Variants in HNRNPA1L2 observed in about 807,000 individuals in gnomAD.
HNRNPA1L2 encodes the protein heterogeneous nuclear ribonucleoprotein A1-like 2.
HNRNPA1L2 carries 10 observed loss-of-function variants against 18.2 expected under a neutral mutation model. That is an observed-to-expected ratio of 0.55 (90% CI 0.34 to 0.93). The LOEUF (loss-of-function observed/expected upper bound fraction) is 0.93, where lower values mean the gene tolerates loss of function less well. Ranked by LOEUF, HNRNPA1L2 falls within the 40% of genes least tolerant of loss-of-function variation. The pLI is 0.02. For missense variants in HNRNPA1L2, 308 were observed against 394.4 expected (o/e 0.78, Z 1.85); for synonymous variants, 124 against 138.6 (o/e 0.89, Z 0.74).
chr13:52,642,627 A>T lies in HNRNPA1L2; in HGVS notation c.135A>T (p.Val45=). 1 of 1,611,940 alleles carries T rather than the reference A, an allele frequency of 6.2e-7. No homozygotes were observed. The highest frequency in any genetic ancestry group is 8.5e-7 in the Non-Finnish European group (1 of 1,179,850). ...GGGGAACGCTCACAGACTGTGTGGT[A>T]ATGAGAGATCCAAACACCAAGCGCT... ...EQWGTLTDCV[V]MRDPNTKRSR... Residue 45 remains valine (V), a synonymous_variant, in exon 1 of 1, where the codon GTA becomes GTT. Transcript: ENST00000357495.
chr13:52,642,772 G>A lies in HNRNPA1L2; in HGVS notation c.280G>A (p.Asp94Asn), dbSNP rs771734650. Residue 94 changes from aspartate (D) to asparagine (N), a missense_variant, in exon 1 of 1, where the codon GAT (aspartate) becomes AAT (asparagine). Asp to Asn is a conservative substitution (Grantham distance 23). Coordinates refer to ENST00000357495, the MANE Select transcript of HNRNPA1L2 (RefSeq NM_001389320.1). ...VEPKRAVSRE[D>N]SQRPGAHLTV... is the part of the protein sequence containing the mutation. ...ACCAAAGAGAGCTGTCTCCAGAGAA[G>A]ATTCTCAAAGACCAGGTGCCCACTT... The A allele has an allele frequency of 9.4e-6, 15 of 1,597,858 alleles. No homozygotes were observed. The highest frequency in any genetic ancestry group is 1.2e-5 in the Non-Finnish European group (14 of 1,179,738).
the HNRNPA1L2 span, chr13:52,617,536 T>A: frequency 2.4e-6 from 1 of 418,682 alleles, no homozygotes; most frequent in Non-Finnish European, 4.4e-6. Flanking sequence ...GTTGCTCTCC[T>A]GGATGGCTTT....
upstream of HNRNPA1L2, among the ~76,000 whole-genome samples, chr13:52,639,229 T>G (rs536234422): frequency 3.2e-3 from 489 of 152,338 alleles, 5 homozygotes; most frequent in Non-Finnish European, 4.2e-3. Flanking sequence ...CATGAGCTAT[T>G]CAACCCTTTA....
the HNRNPA1L2 span, among the ~76,000 whole-genome samples, chr13:52,630,262 G>C: frequency 6.6e-6 from 1 of 152,172 alleles, no homozygotes; most frequent in East Asian, 1.9e-4. Flanking sequence ...AAAAGTTAAC[G>C]TGTCTTTTAT....
the HNRNPA1L2 span, among the ~76,000 whole-genome samples, chr13:52,619,590 G>T: frequency 1.1e-4 from 16 of 152,110 alleles, no homozygotes; most frequent in Non-Finnish European, 1.3e-4. Context: ...TGGGATTACA[G>T]GCGTGAGCCG....
chr13:52,622,512 T>C, the HNRNPA1L2 span, among the ~76,000 whole-genome samples: 2 of 152,218 alleles, frequency 1.3e-5, no homozygotes, highest in Non-Finnish European at 2.9e-5. Flanking sequence ...AGTGATCTCA[T>C]TGAGAATTCT....
upstream of HNRNPA1L2, among the ~76,000 whole-genome samples, chr13:52,639,362 G>A (rs1961568796): frequency 6.6e-6 from 1 of 152,112 alleles, no homozygotes; most frequent in African/African-American, 2.4e-5. Flanking sequence ...TATTAAAGAC[G>A]TTTTTACTTA....
rs1172895427 is a variant in HNRNPA1L2, at chr13:52,643,161, T to G, written c.669T>G (p.Ser223Arg). Residue 223 changes from serine to arginine, a missense_variant, in exon 1 of 1, where the codon AGT (serine) becomes AGG (arginine). Ser to Arg is a moderately radical substitution (Grantham distance 110). Coordinates refer to ENST00000357495, the MANE Select transcript of HNRNPA1L2 (RefSeq NM_001389320.1). The stretch of plus-strand genomic sequence containing the variant: ...ACTTTGGTCGTGGAGGAAACTTCAG[T>G]GGTCGTGGTGGCTTTGGTGGCAGCT... Reference protein sequence around the residue: ...NDNFGRGGNFSGRGGFGGSCG... With the variant: ...NDNFGRGGNFRGRGGFGGSCG... 6.3e-7 allele frequency: 1 copy of G among 1,598,024 alleles called. No homozygotes were observed. The highest frequency in any genetic ancestry group is 8.5e-7 in the Non-Finnish European group (1 of 1,179,814).
the HNRNPA1L2 span, among the ~76,000 whole-genome samples, chr13:52,633,330 T>C: frequency 1.3e-5 from 2 of 152,352 alleles, no homozygotes; most frequent in East Asian, 3.9e-4. Flanking sequence ...TTGTGTTTTT[T>C]TCTTAACACA....
chr13:52,629,837 C>T, the HNRNPA1L2 span, among the ~76,000 whole-genome samples: 1 of 152,182 alleles, frequency 6.6e-6, no homozygotes, highest in Non-Finnish European at 1.5e-5. Flanking sequence ...CGCCTGTAAT[C>T]CCAGCAATTT....
chr13:52,643,489 A>G lies in HNRNPA1L2; in HGVS notation c.*34A>G. The G allele has an allele frequency of 6.5e-7, 1 of 1,545,108 alleles. No homozygotes were observed. On this transcript the variant is annotated 3_prime_UTR_variant, in exon 1 of 1. Coordinates refer to ENST00000357495, the MANE Select transcript of HNRNPA1L2 (RefSeq NM_001389320.1). ...CAAAGCTTAGCAGGAGAGGAGAGCC[A>G]GAGAAGTGACAGGGAAGCTACAGGT... is the stretch of plus-strand genomic sequence containing the variant.
chr13:52,637,744 G>T (rs964527629), upstream of HNRNPA1L2, among the ~76,000 whole-genome samples: 1 of 152,132 alleles, frequency 6.6e-6, no homozygotes, highest in African/African-American at 2.4e-5. Context: ...ACACTCAGGG[G>T]CTTCGACAGT....
chr13:52,623,902 A>T, the HNRNPA1L2 span, among the ~76,000 whole-genome samples: 3 of 152,124 alleles, frequency 2.0e-5, no homozygotes, highest in Admixed American at 6.6e-5. Flanking sequence ...CAGTTGGAAG[A>T]CTTAGAAATC....
the HNRNPA1L2 span, among the ~76,000 whole-genome samples, chr13:52,634,770 C>G: frequency 6.6e-6 from 1 of 152,132 alleles, no homozygotes. Context: ...CAGTATAGCT[C>G]AACAGAAAGA....
Position 52,642,819 on chromosome 13 carries a change from T to C in HNRNPA1L2, c.327T>C (p.Val109=), listed in dbSNP as rs1378769382. The C allele has an allele frequency of 3.1e-6, 5 of 1,596,250 alleles. No homozygotes were observed. The African/African-American group carries it at 5.3e-5, about 17-fold the overall frequency. The stretch of plus-strand genomic sequence containing the variant: ...ACTTAACTGTGAAAAAGATATTTGT[T>C]GGTGGCATTAAAGAAGACACTGAAG... ...GAHLTVKKIF[V]GGIKEDTEEH... Residue 109 remains valine (V), a synonymous_variant, in exon 1 of 1, where the codon GTT becomes GTC. Transcript: ENST00000357495.
chr13:52,628,979 G>A, the HNRNPA1L2 span, among the ~76,000 whole-genome samples: 12 of 152,146 alleles, frequency 7.9e-5, no homozygotes, highest in South Asian at 2.5e-3. Flanking sequence ...GGGTTCAAGC[G>A]ATTCTCCTGC....
chr13:52,642,113 G>C (rs1300969017), upstream of HNRNPA1L2: 1 of 209,432 alleles, frequency 4.8e-6, no homozygotes, highest in Non-Finnish European at 9.6e-6. Context: ...CAATTGGCTA[G>C]ATTAGTTATA....
chr13:52,621,649 C>T, the HNRNPA1L2 span, among the ~76,000 whole-genome samples: 3 of 152,154 alleles, frequency 2.0e-5, no homozygotes, highest in Non-Finnish European at 4.4e-5. Context: ...CTCAGCATAC[C>T]TCTACTTATT....
chr13:52,642,253 C>T (rs1961681632), upstream of HNRNPA1L2: 1 of 549,106 alleles, frequency 1.8e-6, no homozygotes. Flanking sequence ...TAGGGCTTCA[C>T]AGCAAGGAAG....
Sources: allele counts gnomAD v4.1 joint callset (sites outside exome capture counted in the v4.1 genomes callset), GRCh38; gene constraint gnomAD v4.1.1; transcripts MANE v1.5; gene names NCBI Gene and HGNC (gene_info 2026-07-23, HGNC 2026-07-21).